The following DPP10 variants were observed in gnomAD, a reference collection of about 807,000 sequenced individuals.
DPP10 encodes the protein dipeptidyl peptidase like 10, also known as inactive dipeptidyl peptidase 10.
A neutral mutation model predicts 120.9 loss-of-function variants in DPP10; 33 were observed. That is an observed-to-expected ratio of 0.27 (90% CI 0.21 to 0.37). DPP10 has a LOEUF of 0.37. Among genes scored for constraint, DPP10 ranks in the 10% least tolerant of loss-of-function variants. The pLI is 1.00. For missense variants in DPP10, 816 were observed against 942.8 expected (o/e 0.87, Z 1.76); for synonymous variants, 337 against 326.1 (o/e 1.03, Z -0.36).
intron 1 of DPP10, among the ~76,000 whole-genome samples, chr2:115,276,359 CTT>C (rs935759830): frequency 1.3e-5 from 2 of 152,124 alleles, no homozygotes; most frequent in African/African-American, 4.8e-5. Flanking sequence ...AATATACTCT[CTT>C]TTCTGACAAG....
At chr2:115,646,095 C>G (rs2087226959) in intron 5 of DPP10, among the ~76,000 whole-genome samples, 1 of 151,842 alleles carries the variant, frequency 6.6e-6, no homozygotes, top group East Asian at 1.9e-4. Flanking sequence ...CACACACATG[C>G]ACGTGCGTGC....
At chr2:115,490,757 T>C (rs2076065554) in intron 3 of DPP10, among the ~76,000 whole-genome samples, 1 of 152,066 alleles carries the variant, frequency 6.6e-6, no homozygotes, top group African/African-American at 2.4e-5. Context: ...GTTATGAGAG[T>C]TGAGATTTGC....
chr2:115,442,138 C>T (rs1373879764), intron 3 of DPP10, among the ~76,000 whole-genome samples: 2 of 151,844 alleles, frequency 1.3e-5, no homozygotes, highest in Admixed American at 6.6e-5. Context: ...AAATTTGTTG[C>T]ATTGGTTAAG....
At chr2:114,848,006 A>T (rs1273247498) in intron 1 of DPP10, among the ~76,000 whole-genome samples, 1 of 152,194 alleles carries the variant, frequency 6.6e-6, no homozygotes, top group Non-Finnish European at 1.5e-5. Flanking sequence ...GTTCACTTAC[A>T]CTGCCAAAAG....
intron 1 of DPP10, among the ~76,000 whole-genome samples, chr2:114,606,870 A>G (rs925756087): frequency 5.3e-5 from 8 of 152,320 alleles, no homozygotes; most frequent in African/African-American, 1.7e-4. Context: ...TAGTGTGGTT[A>G]AGCATATTGT....
Position 114,627,630 on chromosome 2 carries a change from G to A in DPP10, c.60+184792G>A, listed in dbSNP as rs543700753. Among the ~76,000 whole-genome samples the A allele has an allele frequency of 1.1e-4, 17 of 152,026 alleles. No individual in the cohort carries two copies. In the South Asian group the frequency reaches 2.3e-3, roughly 20 times the overall value. ...TTTTTTTTAGGTAGGGGGAGGGAGC[G>A]GAAGTAAAAACAGAAGAAAATATGA... On this transcript the variant is annotated intron_variant, in intron 1 of 25. Coordinates refer to ENST00000410059, the MANE Select transcript of DPP10 (RefSeq NM_020868.6).
At chr2:115,408,657 C>A (rs2068710361) in intron 3 of DPP10, among the ~76,000 whole-genome samples, 1 of 151,956 alleles carries the variant, frequency 6.6e-6, no homozygotes. Context: ...TAGGAATCAA[C>A]AACAAAATGA....
intron 8 of DPP10, among the ~76,000 whole-genome samples, chr2:115,730,331 A>T (rs1054608318): frequency 6.6e-6 from 1 of 152,204 alleles, no homozygotes; most frequent in African/African-American, 2.4e-5. Flanking sequence ...TAAGAAGTCA[A>T]GGATGATTCT....
intron 1 of DPP10, among the ~76,000 whole-genome samples, chr2:114,449,275 G>C (rs1218651873): frequency 6.6e-6 from 1 of 152,032 alleles, no homozygotes; most frequent in Non-Finnish European, 1.5e-5. Context: ...CAGGTTGGTA[G>C]GGCATAACTG....
At chr2:115,722,623 G>A (rs2092675161) in intron 7 of DPP10, among the ~76,000 whole-genome samples, 1 of 151,954 alleles carries the variant, frequency 6.6e-6, no homozygotes, top group South Asian at 2.1e-4. Context: ...CAACACAACG[G>A]TATGTATCTT....
At chr2:114,637,009 AAC>A (rs1406262749) in intron 1 of DPP10, among the ~76,000 whole-genome samples, 1 of 151,930 alleles carries the variant, frequency 6.6e-6, no homozygotes, top group Non-Finnish European at 1.5e-5. Context: ...TTTGCAAACT[AAC>A]ATAGTACAAA....
At chr2:114,680,091 C>G (rs186527075) in intron 1 of DPP10, among the ~76,000 whole-genome samples, 1 of 152,086 alleles carries the variant, frequency 6.6e-6, no homozygotes, top group Non-Finnish European at 1.5e-5. Flanking sequence ...AGAATCGTCT[C>G]TTGAGGCTTA....
At chr2:115,197,229 T>C (rs1444220325) in intron 1 of DPP10, among the ~76,000 whole-genome samples, 2 of 151,846 alleles carry the variant, frequency 1.3e-5, no homozygotes, top group Non-Finnish European at 2.9e-5. Flanking sequence ...CCATCTCTAC[T>C]AAAAATACAA....
At chr2:115,175,954 T>C (rs1418389092) in intron 1 of DPP10, among the ~76,000 whole-genome samples, 1 of 152,212 alleles carries the variant, frequency 6.6e-6, no homozygotes, top group Non-Finnish European at 1.5e-5. Context: ...GTCCAGTGAA[T>C]GTGAGCTGGG....
At chr2:114,935,481 C>T (rs1305465136) in intron 1 of DPP10, among the ~76,000 whole-genome samples, 1 of 152,146 alleles carries the variant, frequency 6.6e-6, no homozygotes, top group Non-Finnish European at 1.5e-5. Flanking sequence ...TGTCCCTTTG[C>T]AATTTTCATC....
At position 115,123,111 on chromosome 2, in the gene DPP10, G is replaced by A. The variant is rs114804521; in HGVS notation, c.61-186128G>A. ...AGCAGCAAATCCATATGGATCTGCA[G>A]CAAATCAATCCTTGCCTCCTTGGAG... On this transcript the variant is annotated intron_variant, in intron 1 of 25. Coordinates refer to ENST00000410059, the MANE Select transcript of DPP10 (RefSeq NM_020868.6). 1.8e-3 allele frequency among the ~76,000 whole-genome samples: 281 copies of A among 152,324 alleles called. 1 individual carries two copies. The highest frequency in any genetic ancestry group is 0.014 in the Middle Eastern group (4 of 294).
intron 1 of DPP10, among the ~76,000 whole-genome samples, chr2:114,504,833 C>A: frequency 6.6e-6 from 1 of 152,038 alleles, no homozygotes. Flanking sequence ...GCAGGCAGAT[C>A]ACAAGGTCAG....
chr2:114,998,380 A>C (rs913574077), intron 1 of DPP10, among the ~76,000 whole-genome samples: 1 of 152,186 alleles, frequency 6.6e-6, no homozygotes, highest in Non-Finnish European at 1.5e-5. Flanking sequence ...GATCAATGAC[A>C]TATTAATCCC....
chr2:115,537,825 G>T (rs1165299207), intron 5 of DPP10, among the ~76,000 whole-genome samples: 1 of 151,884 alleles, frequency 6.6e-6, no homozygotes, highest in Non-Finnish European at 1.5e-5. Context: ...CCAGATGTGG[G>T]GGCTGCAGTC....
Sources: gnomAD v4.1 joint callset for allele counts (sites outside exome capture counted in the v4.1 genomes callset) on GRCh38, gnomAD v4.1.1 for gene constraint, MANE v1.5 for transcripts, NCBI Gene and HGNC (gene_info 2026-07-23, HGNC 2026-07-21) for gene names.